Variants in KIR2DL4 observed in about 807,000 individuals in gnomAD.
KIR2DL4 encodes killer cell immunoglobulin-like receptor 2DL4.
KIR2DL4 carries 41 observed loss-of-function variants against 31.0 expected under a neutral mutation model. The ratio of observed to expected loss-of-function variants is 1.32; its 90% CI spans 1.03 to 1.72. The LOEUF (loss-of-function observed/expected upper bound fraction) is 1.72, where lower values mean the gene tolerates loss of function less well. KIR2DL4 is among the 40% of genes most tolerant of loss of function. KIR2DL4 has a pLI of 0.00. For synonymous variants in KIR2DL4, 164 were observed against 133.6 expected, an observed-to-expected ratio of 1.23 and a Z score of -1.57; for missense variants, 438 against 353.7, an observed-to-expected ratio of 1.24 and a Z score of -1.91.
exon 3 of KIR2DL4, chr19:54,804,871 A>T: frequency 6.2e-7 from 1 of 1,612,206 alleles, no homozygotes. Flanking sequence ...CTTCGGTGTC[A>T]CTATCGTCGT....
intron 3 of KIR2DL4, 129 bp downstream of exon 3, chr19:54,805,206 A>G (rs1032917970): frequency 1.6e-5 from 14 of 876,094 alleles, no homozygotes; most frequent in East Asian, 8.1e-5. Context: ...GATTGAATAC[A>G]GGGGAATGGG....
chr19:54,804,668 T>C, intron 2 of KIR2DL4, 125 bp from the exon 3 acceptor site: 1 of 1,006,334 alleles, frequency 9.9e-7, no homozygotes, highest in Non-Finnish European at 1.5e-6. Context: ...GTCCTTCCTG[T>C]AGCCCCAGGC....
At position 54,803,991 on chromosome 19, in the gene KIR2DL4, G is replaced by T. The variant is rs891132736; in HGVS notation, c.76+65G>T. The T allele has an allele frequency of 9.2e-6, 13 of 1,416,244 alleles. 2 individuals are homozygous for T. Among genetic ancestry groups the T allele is most frequent in the Non-Finnish European group, 1.3e-5 (13 of 1,006,456 alleles). The allele number at this position is 1,416,244 out of a possible 1,614,324, so 87.7% of individuals were successfully genotyped here. A position where few individuals can be genotyped will look rare whatever the true frequency, so the allele number is the denominator to read the frequency against. ...CAATACAAGTGAATTTTCCAGAAAT[G>T]GGAGGGAGGCAGCACAGAGGGTGGG... On this transcript the variant is annotated intron_variant, in intron 2 of 7. Coordinates refer to ENST00000359085, the Ensembl canonical transcript of KIR2DL4.
At position 54,805,700 on chromosome 19, in the gene KIR2DL4, C is replaced by T. The variant is rs1027636533; in HGVS notation, c.362-251C>T. Reference sequence around the variant, plus strand: ...ACAACAGGAAACCAACACAGGAACCCAGGTGAAGGACAAGTTAAAAAACCA... The same window carrying T: ...ACAACAGGAAACCAACACAGGAACCTAGGTGAAGGACAAGTTAAAAAACCA... On this transcript the variant is annotated intron_variant, in intron 3 of 7. Coordinates refer to ENST00000359085, the Ensembl canonical transcript of KIR2DL4. Among the ~76,000 whole-genome samples the T allele has an allele frequency of 5.4e-4, 81 of 151,230 alleles. 3 individuals carry two copies. Among genetic ancestry groups the T allele is most frequent in the African/African-American group, 2.0e-3 (81 of 40,972 alleles).
chr19:54,810,285 A>AT (rs199888594), intron 5 of KIR2DL4, among the ~76,000 whole-genome samples: 21,407 of 142,348 alleles, frequency 0.15, 1,885 homozygotes, highest in Middle Eastern at 0.2. Flanking sequence ...CGCCTGGCTA[A>AT]TTTTTTTTTG....
intron 6 of KIR2DL4, among the ~76,000 whole-genome samples, chr19:54,813,487 G>C (rs1489970214): frequency 1.3e-5 from 2 of 150,746 alleles, no homozygotes; most frequent in Non-Finnish European, 2.9e-5. Context: ...CAGAAAGTGG[G>C]AGATAGAATC....
chr19:54,813,215 GCTC>G, exon 6 of KIR2DL4: 1 of 1,522,148 alleles, frequency 6.6e-7, no homozygotes, highest in Non-Finnish European at 8.7e-7. Context: ...CATCGCTGGT[GCTC>G]CAAAAAAAAA....
intron 5 of KIR2DL4, among the ~76,000 whole-genome samples, chr19:54,812,613 C>T (rs2060928893): frequency 6.7e-6 from 1 of 150,296 alleles, no homozygotes; most frequent in African/African-American, 2.5e-5. Flanking sequence ...CCATCTATTT[C>T]TGGCTGCGGC....
Position 54,804,368 on chromosome 19 carries a change from G to C in KIR2DL4, c.77-425G>C, listed in dbSNP as rs942969021. Among the ~76,000 whole-genome samples the C allele has an allele frequency of 2.1e-3, 313 of 151,418 alleles. 11 individuals are homozygous for C. Among genetic ancestry groups the C allele is most frequent in the Admixed American group, 0.017 (265 of 15,212 alleles). ...TCACACCCTCCAGCGTTTCCATGACGGTAGGGGCTGCAGTGTGGCTGCTGT... is the reference window on the plus strand; with the variant it reads ...TCACACCCTCCAGCGTTTCCATGACCGTAGGGGCTGCAGTGTGGCTGCTGT... On this transcript the variant is annotated intron_variant, in intron 2 of 7. Coordinates refer to ENST00000359085, the Ensembl canonical transcript of KIR2DL4.
exon 6 of KIR2DL4, chr19:54,813,172 A>G: frequency 6.5e-7 from 1 of 1,540,088 alleles, no homozygotes; most frequent in East Asian, 2.3e-5. Flanking sequence ...AGTGGCCATC[A>G]TCCTCTTTAC....
intron 6 of KIR2DL4, 94 bp from the exon 6 acceptor site, chr19:54,813,596 A>C: frequency 2.3e-6 from 3 of 1,309,728 alleles, no homozygotes; most frequent in Non-Finnish European, 3.3e-6. Context: ...GACCTCAGGC[A>C]CCTATGGCCT....
At chr19:54,811,999 A>T (rs1367792416) in intron 5 of KIR2DL4, among the ~76,000 whole-genome samples, 1 of 151,278 alleles carries the variant, frequency 6.6e-6, no homozygotes, top group African/African-American at 2.4e-5. Context: ...TTTCAATGTC[A>T]CTGTTTTTTC....
chr19:54,806,466 G>A (rs1400020207), intron 4 of KIR2DL4, among the ~76,000 whole-genome samples: 1 of 151,212 alleles, frequency 6.6e-6, no homozygotes, highest in Admixed American at 6.6e-5. Flanking sequence ...CAGGCAGATG[G>A]AGAAAGTGGT....
chr19:54,806,377 G>A, intron 4 of KIR2DL4, 133 bp downstream of exon 4: 3 of 1,028,740 alleles, frequency 2.9e-6, no homozygotes, highest in South Asian at 1.5e-5. Flanking sequence ...TGGGATCAGG[G>A]CACAGGATGG....
intron 5 of KIR2DL4, chr19:54,812,996 C>A (rs1231160398): frequency 1.6e-6 from 1 of 635,674 alleles, no homozygotes; most frequent in South Asian, 1.9e-5. Flanking sequence ...AAAGCTGGGT[C>A]TCCCGCCTCG....
intron 2 of KIR2DL4, 32 bp from the exon 3 acceptor site, chr19:54,804,761 C>A: frequency 6.2e-7 from 1 of 1,602,766 alleles, no homozygotes; most frequent in Non-Finnish European, 8.5e-7. Flanking sequence ...TCAACATACT[C>A]CTCTCTGAGG....
intron 2 of KIR2DL4, among the ~76,000 whole-genome samples, chr19:54,804,542 C>G (rs607149): frequency 0.85 from 128,384 of 150,530 alleles, 55,304 homozygotes; most frequent in East Asian, 0.94. Context: ...ACTTTGTGTT[C>G]TTTGGTGTAA....
Position 54,813,177 on chromosome 19 carries a change from C to T in KIR2DL4, c.759C>T (p.Leu253=), listed in dbSNP as rs780241359. The T allele has an allele frequency of 1.9e-6, 3 of 1,540,934 alleles. No individual in the cohort carries two copies. The Admixed American group carries it at 5.4e-5, about 28-fold the overall frequency. Residue 253 remains leucine (L), a synonymous_variant, in exon 6 of 8, where the codon CTC becomes CTT. Transcript: ENST00000359085. ...TTAGGTACTCAGTGGCCATCATCCT[C>T]TTTACCATCCTTCCCTTCTTTCTCC...
At chr19:54,805,977 G>A in exon 4 of KIR2DL4, 1 of 1,608,852 alleles carries the variant, frequency 6.2e-7, no homozygotes, top group East Asian at 2.2e-5. Context: ...TTCGCTTACA[G>A]CCCGGCCGGG....
Sources: allele counts gnomAD v4.1 joint callset (sites outside exome capture counted in the v4.1 genomes callset), GRCh38; gene constraint gnomAD v4.1.1; transcripts MANE v1.5; gene names NCBI Gene and HGNC (gene_info 2026-07-23, HGNC 2026-07-21).